The following SLC6A3 variants were observed in gnomAD, a reference collection of about 807,000 sequenced individuals.
SLC6A3 encodes solute carrier family 6 member 3, also known as sodium-dependent dopamine transporter.
In SLC6A3, 19 loss-of-function variants were observed where a neutral mutation model predicts 70.4. The ratio of observed to expected loss-of-function variants is 0.27; its 90% CI spans 0.19 to 0.40. SLC6A3 has a LOEUF of 0.40. Among genes scored for constraint, SLC6A3 ranks in the 10% least tolerant of loss-of-function variants. The pLI is 1.00. For synonymous variants in SLC6A3, 368 were observed against 356.6 expected, an observed-to-expected ratio of 1.03 and a Z score of -0.36; for missense variants, 613 against 838.5, an observed-to-expected ratio of 0.73 and a Z score of 3.32.
chr5:1,409,813 C>T lies in SLC6A3; in HGVS notation c.1306G>A (p.Asp436Asn), dbSNP rs1197252031. Residue 436 changes from aspartate (D) to asparagine (N), a missense_variant, in exon 10 of 15, where the codon GAT (aspartate) becomes AAT (asparagine). Coordinates refer to ENST00000270349, the MANE Select transcript of SLC6A3 (RefSeq NM_001044.5). Reference protein sequence around the residue: ...GMESVITGLIDEFQLLHRHRE... With the variant: ...GMESVITGLINEFQLLHRHRE... The stretch of plus-strand genomic sequence containing the variant: ...TGTCTGTGCAGCAGCTGGAACTCAT[C>T]GATGAGCCCGGTGATCACTGACTCC... 4.3e-6 allele frequency: 7 copies of T among 1,613,266 alleles called. No homozygotes were observed. Among genetic ancestry groups the T allele is most frequent in the Non-Finnish European group, 5.1e-6 (6 of 1,180,004 alleles).
rs1756858383 is a variant in SLC6A3 at position 1,437,237 on chromosome 5, G to A, written c.418+4122C>T. Among the ~76,000 whole-genome samples, 1 of 146,756 alleles carries A rather than the reference G, an allele frequency of 6.8e-6. No homozygotes were observed. The highest frequency in any genetic ancestry group is 6.8e-5 in the Admixed American group (1 of 14,606). ...TTGCACTCCAGCCTGGTGACAGAGCGAGATTCCGTCTCACAAAAAAAAAAA... is the reference window on the plus strand; with the variant it reads ...TTGCACTCCAGCCTGGTGACAGAGCAAGATTCCGTCTCACAAAAAAAAAAA... On this transcript the variant is annotated intron_variant, in intron 3 of 14. Coordinates refer to ENST00000270349, the MANE Select transcript of SLC6A3 (RefSeq NM_001044.5). This position sits in a 1 kb window ranked among gnomAD's most constrained non-coding sequence, Gnocchi z 4.8.
chr5:1,435,264 G>A (rs543710683), intron 3 of SLC6A3, among the ~76,000 whole-genome samples: 8 of 152,182 alleles, frequency 5.3e-5, no homozygotes, highest in African/African-American at 9.7e-5. Flanking sequence ...CCACACTGTC[G>A]GTGAGCCACA....
In SLC6A3 at chr5:1,438,609, T is replaced by A. The variant is rs1414953789; in HGVS notation, c.418+2750A>T. ...CAGCTTTGTTGGTGAACATCCTTTCTGTGTGACAGACGGAAGGAAATGAGC... is the reference window on the plus strand; with the variant it reads ...CAGCTTTGTTGGTGAACATCCTTTCAGTGTGACAGACGGAAGGAAATGAGC... On this transcript the variant is annotated intron_variant, in intron 3 of 14. Transcript: ENST00000270349. This position sits in a 1 kb window ranked among gnomAD's most constrained non-coding sequence, Gnocchi z 6.5. Among the ~76,000 whole-genome samples the A allele has an allele frequency of 6.6e-6, 1 of 152,234 alleles. No individual in the cohort carries two copies. Among genetic ancestry groups the A allele is most frequent in the Non-Finnish European group, 1.5e-5 (1 of 68,044 alleles).
At chr5:1,440,362 G>A (rs1432287058) in intron 3 of SLC6A3, among the ~76,000 whole-genome samples, 1 of 152,158 alleles carries the variant, frequency 6.6e-6, no homozygotes, top group African/African-American at 2.4e-5. Context: ...ATGGATGGAT[G>A]GATGGATGAT....
chr5:1,394,247 CCTT>C lies in SLC6A3; in HGVS notation c.*485_*487del. 4.8e-6 allele frequency: 1 copy of C among 206,556 alleles called. No individual in the cohort carries two copies. Among genetic ancestry groups the C allele is most frequent in the South Asian group, 9.3e-5 (1 of 10,792 alleles). The allele number at this position is 206,556 out of a possible 1,614,324, so 12.8% of individuals were successfully genotyped here. A position where few individuals can be genotyped will look rare whatever the true frequency, so the allele number is the denominator to read the frequency against. On this transcript the variant is annotated 3_prime_UTR_variant, in exon 15 of 15. Coordinates refer to ENST00000270349, the MANE Select transcript of SLC6A3 (RefSeq NM_001044.5). The surrounding 1 kb of genome is among the most constrained non-coding windows in gnomAD (Gnocchi z 4.7). ...TGAATTTGTGGTTTCCTCCATTTCA[CCTT>C]CTGCACAGCTAAACCAAGCAGGACA...
rs138379658 is a variant in SLC6A3, at chr5:1,406,527, G to C, written c.1499-239C>G. Among the ~76,000 whole-genome samples the C allele has an allele frequency of 3.0e-4, 45 of 152,258 alleles. No individual in the cohort carries two copies. The highest frequency in any genetic ancestry group is 8.3e-4 in the South Asian group (4 of 4,826). Reference sequence around the variant, plus strand: ...GATGCACCAGGAAGAGCCGTGCCCCGGTGGGTGCTCCCCGCGCCCCGGCAA... The same window carrying C: ...GATGCACCAGGAAGAGCCGTGCCCCCGTGGGTGCTCCCCGCGCCCCGGCAA... On this transcript the variant is annotated intron_variant, in intron 11 of 14. Transcript: ENST00000270349. This position sits in a 1 kb window ranked among gnomAD's most constrained non-coding sequence, Gnocchi z 8.8.
At chr5:1,423,320 TGCTGGGTACCCACC>T (rs1560919358) in intron 4 of SLC6A3, among the ~76,000 whole-genome samples, 1 of 148,748 alleles carries the variant, frequency 6.7e-6, no homozygotes, top group South Asian at 2.1e-4. Context: ...CTGCCCATGG[TGCTGGGTACCCACC>T]GCTGCCCACA....
At chr5:1,430,387 G>A (rs1015629060) in intron 4 of SLC6A3, among the ~76,000 whole-genome samples, 1 of 152,188 alleles carries the variant, frequency 6.6e-6, no homozygotes, top group Non-Finnish European at 1.5e-5. Flanking sequence ...CTCCGCCCCG[G>A]CTCCTCACCT....
At position 1,392,982 on chromosome 5, in the gene SLC6A3, CCCCAGAAG is replaced by C. The variant is rs1236535781; in HGVS notation, c.*1745_*1752del. The C allele has an allele frequency of 1.3e-5, 2 of 151,944 alleles. No individual in the cohort carries two copies. The highest frequency in any genetic ancestry group is 4.8e-5 in the African/African-American group (2 of 41,268). The allele number at this position is 151,944 out of a possible 1,614,324, so 9.4% of individuals were successfully genotyped here. ...TGGGGAAGCTGTCCTCTGTGTCCCTCCCCAGAAGGCAATGGGGAAGCCGCTCTCTGTGC... is the reference window on the plus strand; with the variant it reads ...TGGGGAAGCTGTCCTCTGTGTCCCTCGCAATGGGGAAGCCGCTCTCTGTGC... On this transcript the variant is annotated 3_prime_UTR_variant, in exon 15 of 15. Coordinates refer to ENST00000270349, the MANE Select transcript of SLC6A3 (RefSeq NM_001044.5).
chr5:1,437,246 T>A lies in SLC6A3; in HGVS notation c.418+4113A>T. Among the ~76,000 whole-genome samples, 1 of 125,584 alleles carries A rather than the reference T, an allele frequency of 8.0e-6. No individual in the cohort carries two copies. The allele number at this position is 125,584 out of a possible 152,430, so 82.4% of individuals were successfully genotyped here. On this transcript the variant is annotated intron_variant, in intron 3 of 14. Coordinates refer to ENST00000270349, the MANE Select transcript of SLC6A3 (RefSeq NM_001044.5). This position sits in a 1 kb window ranked among gnomAD's most constrained non-coding sequence, Gnocchi z 4.8. The stretch of plus-strand genomic sequence containing the variant: ...AGCCTGGTGACAGAGCGAGATTCCG[T>A]CTCACAAAAAAAAAAAAAAAGAAAA...
At position 1,396,507 on chromosome 5, in the gene SLC6A3, T is replaced by G. The variant is rs73028249; in HGVS notation, c.1840-1749A>C. On this transcript the variant is annotated intron_variant, in intron 14 of 14. Transcript: ENST00000270349. The surrounding 1 kb of genome is among the most constrained non-coding windows in gnomAD (Gnocchi z 7.0). ...TGGTGGACTCCCTGAGCTGAGACGCTGGAAAGGAGAGCGAGGGAAACGGAG... is the reference window on the plus strand; with the variant it reads ...TGGTGGACTCCCTGAGCTGAGACGCGGGAAAGGAGAGCGAGGGAAACGGAG... 1.1e-4 allele frequency among the ~76,000 whole-genome samples: 16 copies of G among 152,018 alleles called. No individual in the cohort carries two copies. Among genetic ancestry groups the G allele is most frequent in the African/African-American group, 3.9e-4 (16 of 41,470 alleles).
At position 1,413,254 on chromosome 5, in the gene SLC6A3, T is replaced by C. The variant is rs1318350253; in HGVS notation, c.1156+1437A>G. 6.6e-6 allele frequency among the ~76,000 whole-genome samples: 1 copy of C among 152,208 alleles called. No homozygotes were observed. Among genetic ancestry groups the C allele is most frequent in the African/African-American group, 2.4e-5 (1 of 41,452 alleles). ...TCACTGCTCTGCATTTATTTGCAGA[T>C]GTTCCCTTTCTCCCGCTTTGACTGA... On this transcript the variant is annotated intron_variant, in intron 8 of 14. Transcript: ENST00000270349. This position sits in a 1 kb window ranked among gnomAD's most constrained non-coding sequence, Gnocchi z 7.1.
At chr5:1,410,569 C>T (rs1269854768) in intron 9 of SLC6A3, among the ~76,000 whole-genome samples, 1 of 152,162 alleles carries the variant, frequency 6.6e-6, no homozygotes, top group Non-Finnish European at 1.5e-5. Context: ...CCCGCCACCC[C>T]CAGCAGCTGG....
chr5:1,441,560 C>A (rs558334284), intron 2 of SLC6A3, 70 bp from the exon 3 acceptor site: 2 of 1,561,834 alleles, frequency 1.3e-6, no homozygotes, highest in South Asian at 1.1e-5. Flanking sequence ...GGAGCTTGGG[C>A]GGCTACCCCA....
In SLC6A3 at chr5:1,411,267, C is replaced by T; in HGVS notation, c.1245G>A (p.Leu415=). ...CGGCGCTGTCGATACCCAGGGTGAG[C>T]AGCATGATGAAGAAGACCACGGCCC... is the stretch of plus-strand genomic sequence containing the variant. ...SAWAVVFFIM[L]LTLGIDSAMG... is the part of the protein sequence containing the mutation. Residue 415 remains leucine, a synonymous_variant, in exon 9 of 15, where the codon CTG becomes CTA. Transcript: ENST00000270349. The surrounding 1 kb of genome is among the most constrained non-coding windows in gnomAD (Gnocchi z 6.5). 13 of 1,552,618 alleles carry T rather than the reference C, an allele frequency of 8.4e-6. No homozygotes were observed. The highest frequency in any genetic ancestry group is 1.1e-5 in the Non-Finnish European group (13 of 1,147,714).
At chr5:1,400,580 T>G (rs1755824896) in intron 14 of SLC6A3, among the ~76,000 whole-genome samples, 1 of 151,708 alleles carries the variant, frequency 6.6e-6, no homozygotes, top group African/African-American at 2.4e-5. Flanking sequence ...CGGGGGGTGG[T>G]GGTCCCTTGC....
chr5:1,432,739 GCA>G, intron 3 of SLC6A3, 41 bp from the exon 4 acceptor site: 1 of 1,429,914 alleles, frequency 7.0e-7, no homozygotes, highest in East Asian at 2.3e-5. Flanking sequence ...CGCAGGTGGA[GCA>G]CAGAGCCACC....
chr5:1,422,131 G>A, intron 4 of SLC6A3, 117 bp from the exon 5 acceptor site: 1 of 1,137,350 alleles, frequency 8.8e-7, no homozygotes, highest in East Asian at 2.4e-5. Flanking sequence ...AAAGCATCCA[G>A]TCTGATGGAC....
In SLC6A3 at chr5:1,394,632, G is replaced by A. The variant is rs1755668383; in HGVS notation, c.*103C>T. On this transcript the variant is annotated 3_prime_UTR_variant, in exon 15 of 15. Coordinates refer to ENST00000270349, the MANE Select transcript of SLC6A3 (RefSeq NM_001044.5). This position sits in a 1 kb window ranked among gnomAD's most constrained non-coding sequence, Gnocchi z 4.7. ...GTTTGTGTTTTCAGTAGAGGTTGAA[G>A]AGTAGAAGTTGCCCTCCTTTCTCTC... The A allele has an allele frequency of 3.7e-6, 4 of 1,082,712 alleles. No homozygotes were observed. In the South Asian group the frequency reaches 3.7e-5, roughly 10 times the overall value. 67.1% of individuals were successfully genotyped at this position (1,082,712 alleles called of 1,614,324 possible).
Sources: allele counts gnomAD v4.1 joint callset (sites outside exome capture counted in the v4.1 genomes callset), GRCh38; gene constraint gnomAD v4.1.1; non-coding constraint Gnocchi (gnomAD v3.1); transcripts MANE v1.5; gene names NCBI Gene and HGNC (gene_info 2026-07-23, HGNC 2026-07-21).